The following UBR3 variants were observed in gnomAD, a reference collection of about 807,000 sequenced individuals.
UBR3 encodes the protein ubiquitin protein ligase E3 component n-recognin 3.
Under a neutral mutation model 243.2 loss-of-function variants are expected in UBR3, and 85 were observed. The ratio of observed to expected loss-of-function variants is 0.35; its 90% CI spans 0.29 to 0.42. The LOEUF (loss-of-function observed/expected upper bound fraction) is 0.42. Among genes scored for constraint, UBR3 ranks in the 10% least tolerant of loss-of-function variants. UBR3 has a pLI of 1.00. For missense variants in UBR3, 1,686 were observed against 2,300.8 expected (o/e 0.73, Z 5.47); for synonymous variants, 748 against 799.8 (o/e 0.94, Z 1.09).
chr2:169,883,232 C>T (rs1007884489), intron 5 of UBR3, among the ~76,000 whole-genome samples: 10 of 152,136 alleles, frequency 6.6e-5, no homozygotes, highest in Non-Finnish European at 1.5e-5. Context: ...TCTAAGATGG[C>T]TCACTCATAG....
chr2:169,838,011 G>T (rs917445077), intron 1 of UBR3, among the ~76,000 whole-genome samples: 1 of 152,166 alleles, frequency 6.6e-6, no homozygotes, highest in Admixed American at 6.5e-5. Context: ...ATTTTGATAT[G>T]GCAGGATTTC....
At chr2:169,842,314 G>A (rs1397059549) in intron 1 of UBR3, among the ~76,000 whole-genome samples, 1 of 152,082 alleles carries the variant, frequency 6.6e-6, no homozygotes, top group Non-Finnish European at 1.5e-5. Context: ...GAGAACCTTT[G>A]TATCTAGCTC....
chr2:169,905,209 C>G lies in UBR3; in HGVS notation c.1561C>G (p.Leu521Val). Residue 521 changes from leucine (L) to valine (V), a missense_variant, in exon 9 of 39, where the codon CTT becomes GTT. By Grantham distance (32) the Leu-to-Val change is conservative. This residue lies in a region of UBR3 where 346 missense variants were observed against 585.8 expected (regional missense o/e 0.59). Transcript: ENST00000272793. ...WPLVSDFINI[L>V]SHQSVAKRFL... The stretch of plus-strand genomic sequence containing the variant: ...TCTTGTTAGTGATTTTATTAATATT[C>G]TTTCTCATCAAAGTGTGGCCAAGAG... The G allele has an allele frequency of 6.5e-7, 1 of 1,541,416 alleles. No homozygotes were observed. The highest frequency in any genetic ancestry group is 8.8e-7 in the Non-Finnish European group (1 of 1,142,272).
chr2:170,001,548 CT>C (rs2089696584), intron 27 of UBR3, 134 bp downstream of exon 27: 1 of 598,514 alleles, frequency 1.7e-6, no homozygotes, highest in South Asian at 2.1e-5. Flanking sequence ...TCCAGTCTCA[CT>C]TTAACACAGA....
chr2:169,979,350 A>G (rs1304383183), intron 24 of UBR3, among the ~76,000 whole-genome samples: 1 of 152,224 alleles, frequency 6.6e-6, no homozygotes, highest in Non-Finnish European at 1.5e-5. Context: ...ATTTTCCTGT[A>G]AAGCTAAGCT....
intron 18 of UBR3, among the ~76,000 whole-genome samples, chr2:169,930,377 A>T (rs2086074297): frequency 6.6e-6 from 1 of 151,506 alleles, no homozygotes; most frequent in Non-Finnish European, 1.5e-5. Flanking sequence ...TTAGGAAATT[A>T]GTTGTTTTTT....
chr2:170,063,741 C>T (rs1265183795), intron 35 of UBR3, among the ~76,000 whole-genome samples: 3 of 152,050 alleles, frequency 2.0e-5, no homozygotes, highest in Non-Finnish European at 4.4e-5. Context: ...TTTCCCACAT[C>T]GATTTATTTT....
At position 170,007,090 on chromosome 2, in the gene UBR3, G is replaced by A. The variant is rs1193009851; in HGVS notation, c.4130G>A (p.Ser1377Asn). Residue 1377 changes from serine to asparagine, a missense_variant, in exon 28 of 39, where the codon AGC becomes AAC. Physicochemically the swap from Ser to Asn is conservative, Grantham distance 46 (BLOSUM62 1). Around this residue, in one of 8 missense-constraint regions of UBR3, gnomAD observed 371 missense variants for 422.5 expected, o/e 0.88. Coordinates refer to ENST00000272793, the MANE Select transcript of UBR3 (RefSeq NM_172070.4). Reference sequence around the variant, plus strand: ...AGTGTTCTTCCATGTTATCCTGGAAGCAATGTGGAAAATAACCCTTGGCAA... The same window carrying A: ...AGTGTTCTTCCATGTTATCCTGGAAACAATGTGGAAAATAACCCTTGGCAA... Reference protein sequence around the residue: ...ANSVLPCYPGSNVENNPWQRP... With the variant: ...ANSVLPCYPGNNVENNPWQRP... The A allele has an allele frequency of 1.9e-6, 3 of 1,613,650 alleles. No homozygotes were observed. Among genetic ancestry groups the A allele is most frequent in the African/African-American group, 1.3e-5 (1 of 74,790 alleles).
At chr2:169,952,379 G>A (rs1365880051) in intron 23 of UBR3, among the ~76,000 whole-genome samples, 1 of 152,132 alleles carries the variant, frequency 6.6e-6, no homozygotes, top group Non-Finnish European at 1.5e-5. Context: ...GAGGTCATCC[G>A]TTGGTACCTG....
chr2:170,030,679 CTG>C (rs931195659), intron 31 of UBR3, among the ~76,000 whole-genome samples: 1 of 152,060 alleles, frequency 6.6e-6, no homozygotes, highest in African/African-American at 2.4e-5. Context: ...TAGTCAAAAA[CTG>C]TGTTTTTAAA....
At chr2:169,842,880 A>G (rs1012282165) in intron 1 of UBR3, among the ~76,000 whole-genome samples, 11 of 152,236 alleles carry the variant, frequency 7.2e-5, no homozygotes, top group Admixed American at 4.6e-4. Flanking sequence ...AATTCAGCCA[A>G]TTTTTTTGCC....
At chr2:170,066,966 A>AAATAATAATAATAAT (rs6147024) in intron 35 of UBR3, among the ~76,000 whole-genome samples, 2,450 of 102,540 alleles carry the variant, frequency 0.024, 27 homozygotes, top group East Asian at 0.045. Context: ...TCCGTCTCTA[A>AAATAATAATAATAAT]AATAATAATA....
intron 12 of UBR3, 29 bp downstream of exon 12, chr2:169,924,023 T>C: frequency 8.6e-7 from 1 of 1,168,956 alleles, no homozygotes; most frequent in Non-Finnish European, 1.2e-6. Context: ...AATTCTGTTC[T>C]TTTTTTTTTA....
chr2:169,890,565 G>GTGTATATATATATGTGTATATATA (rs1559064208), intron 5 of UBR3, among the ~76,000 whole-genome samples: 23 of 71,162 alleles, frequency 3.2e-4, no homozygotes, highest in African/African-American at 1.7e-3. Flanking sequence ...ATATATATAT[G>GTGTATATATATATGTGTATATATA]TGTATATATA....
At chr2:170,029,598 T>A in intron 31 of UBR3, 150 bp downstream of exon 31, 1 of 628,286 alleles carries the variant, frequency 1.6e-6, no homozygotes, top group Non-Finnish European at 2.6e-6. Context: ...TGAAAACAGT[T>A]TACCATTATG....
rs745796058 is a variant in UBR3, at chr2:170,007,049, T to C, written c.4089T>C (p.Cys1363=). 4 of 1,614,046 alleles carry C rather than the reference T, an allele frequency of 2.5e-6. No individual in the cohort carries two copies. The highest frequency in any genetic ancestry group is 3.4e-6 in the Non-Finnish European group (4 of 1,180,006). The change falls in exon 28 of 39, where the codon TGT becomes TGC. Residue 1363 remains cysteine, a synonymous_variant. Coordinates refer to ENST00000272793, the MANE Select transcript of UBR3 (RefSeq NM_172070.4). ...AAGGAGAATTCACGTGTCCACTCTG[T>C]AGGCAGTTTGCTAACAGTGTTCTTC... ...VDKGEFTCPL[C]RQFANSVLPC...
At chr2:169,842,027 T>C (rs910716701) in intron 1 of UBR3, among the ~76,000 whole-genome samples, 1 of 152,218 alleles carries the variant, frequency 6.6e-6, no homozygotes, top group African/African-American at 2.4e-5. Context: ...AGAGTCTTTA[T>C]ATCTAGCTCA....
At chr2:169,992,370 T>C (rs527409246) in intron 25 of UBR3, among the ~76,000 whole-genome samples, 336 of 152,258 alleles carry the variant, frequency 2.2e-3, no homozygotes, top group Non-Finnish European at 4.1e-3. Flanking sequence ...GTCCAAAAAA[T>C]AGAGGAGTGA....
At chr2:169,898,700 A>C (rs886750477) in intron 8 of UBR3, among the ~76,000 whole-genome samples, 324 of 100,588 alleles carry the variant, frequency 3.2e-3, no homozygotes, top group East Asian at 5.6e-3. Flanking sequence ...ATGGAGTTTC[A>C]CTCTTTTTTT....
Sources: allele counts gnomAD v4.1 joint callset (sites outside exome capture counted in the v4.1 genomes callset), GRCh38; gene constraint gnomAD v4.1.1; regional missense constraint gnomAD v4.1.1; transcripts MANE v1.5; gene names NCBI Gene and HGNC (gene_info 2026-07-23, HGNC 2026-07-21).